Variants in SPAG16 observed in about 807,000 individuals in gnomAD.
The protein encoded by SPAG16 is sperm associated antigen 16, also known as sperm-associated antigen 16 protein.
Under a neutral mutation model 80.4 loss-of-function variants are expected in SPAG16, and 86 were observed. The observed-to-expected ratio is 1.07, with a 90% CI of 0.90 to 1.28. The LOEUF (loss-of-function observed/expected upper bound fraction) is 1.28, where lower values mean the gene tolerates loss of function less well. SPAG16 is among the 50% of genes most tolerant of loss of function. The pLI, the probability that SPAG16 is intolerant of heterozygous loss-of-function variation, is 0.00. For missense variants in SPAG16, 870 were observed against 765.3 expected, an observed-to-expected ratio of 1.14 and a Z score of -1.61; for synonymous variants, 294 against 265.9, an observed-to-expected ratio of 1.11 and a Z score of -1.03.
intron 9 of SPAG16, among the ~76,000 whole-genome samples, chr2:213,416,403 TA>T (rs1280150469): frequency 6.6e-6 from 1 of 152,158 alleles, no homozygotes; most frequent in African/African-American, 2.4e-5. Context: ...GAGCCAAAAC[TA>T]GGTCATAGCC....
chr2:213,984,754 C>A (rs1453190621), intron 12 of SPAG16, among the ~76,000 whole-genome samples: 1 of 152,096 alleles, frequency 6.6e-6, no homozygotes, highest in African/African-American at 2.4e-5. Flanking sequence ...ACAACTCCTT[C>A]TCCAACCATA....
chr2:213,931,858 T>A (rs2078763989), intron 12 of SPAG16, among the ~76,000 whole-genome samples: 1 of 152,084 alleles, frequency 6.6e-6, no homozygotes, highest in Admixed American at 6.6e-5. Flanking sequence ...ATTGTACTAA[T>A]TTTGGCATTG....
chr2:213,427,921 A>C (rs1315947202), intron 9 of SPAG16, among the ~76,000 whole-genome samples: 3 of 152,232 alleles, frequency 2.0e-5, no homozygotes, highest in Non-Finnish European at 4.4e-5. Flanking sequence ...AAAAATTAGT[A>C]CATTGTATTT....
At chr2:213,787,241 T>A (rs929921054) in intron 10 of SPAG16, among the ~76,000 whole-genome samples, 1 of 152,020 alleles carries the variant, frequency 6.6e-6, no homozygotes, top group African/African-American at 2.4e-5. Context: ...AAAGAAAATT[T>A]AAAAAATACA....
intron 5 of SPAG16, among the ~76,000 whole-genome samples, chr2:213,322,555 A>G (rs2063671295): frequency 6.6e-6 from 1 of 152,134 alleles, no homozygotes; most frequent in South Asian, 2.1e-4. Flanking sequence ...CATCTGTGAC[A>G]TCATACTGTT....
intron 11 of SPAG16, among the ~76,000 whole-genome samples, chr2:213,929,674 G>A (rs995376901): frequency 6.6e-6 from 1 of 152,092 alleles, no homozygotes; most frequent in Admixed American, 6.5e-5. Context: ...ACAAACACAT[G>A]ATAACAAAAA....
At chr2:213,690,042 A>G (rs1680939371) in intron 10 of SPAG16, among the ~76,000 whole-genome samples, 1 of 152,046 alleles carries the variant, frequency 6.6e-6, no homozygotes, top group African/African-American at 2.4e-5. Flanking sequence ...GTCTGACCTC[A>G]TCTTTTATTA....
chr2:214,188,165 A>G (rs1175623905), intron 15 of SPAG16, among the ~76,000 whole-genome samples: 1 of 152,168 alleles, frequency 6.6e-6, no homozygotes, highest in African/African-American at 2.4e-5. Flanking sequence ...TGACCATGTG[A>G]GATTCATTTG....
intron 15 of SPAG16, among the ~76,000 whole-genome samples, chr2:214,315,829 G>A (rs1695657246): frequency 6.6e-6 from 1 of 152,106 alleles, no homozygotes; most frequent in African/African-American, 2.4e-5. Flanking sequence ...ACTGCACCTG[G>A]CCCTTCTTTT....
intron 10 of SPAG16, among the ~76,000 whole-genome samples, chr2:213,825,705 T>C (rs10194352): frequency 4.1e-3 from 107 of 25,984 alleles, no homozygotes; most frequent in Middle Eastern, 0.014. Context: ...TTCTTTCTTT[T>C]TTTTTTTTTT....
intron 9 of SPAG16, among the ~76,000 whole-genome samples, chr2:213,468,191 A>G (rs73986882): frequency 0.014 from 2,135 of 152,050 alleles, 43 homozygotes; most frequent in African/African-American, 0.047. Flanking sequence ...CAGAAAGGAA[A>G]TGGGTCATCT....
At chr2:213,494,207 T>C (rs2074387475) in intron 10 of SPAG16, among the ~76,000 whole-genome samples, 2 of 152,198 alleles carry the variant, frequency 1.3e-5, no homozygotes, top group African/African-American at 2.4e-5. Context: ...AGCTTCATCT[T>C]TTCACTCTCA....
intron 15 of SPAG16, among the ~76,000 whole-genome samples, chr2:214,156,976 AC>A (rs1576371795): frequency 2.0e-5 from 3 of 152,204 alleles, no homozygotes. Context: ...AGAAAAGGTG[AC>A]CAGGTGGTCC....
intron 15 of SPAG16, among the ~76,000 whole-genome samples, chr2:214,315,501 TTTTATTTA>T (rs145465479): frequency 0.25 from 36,082 of 144,018 alleles, 4,957 homozygotes; most frequent in African/African-American, 0.36. Context: ...GCCCCATCTT[TTTTATTTA>T]TTTATTTATT....
At chr2:213,668,229 AT>A (rs1173660481) in intron 10 of SPAG16, among the ~76,000 whole-genome samples, 1 of 151,654 alleles carries the variant, frequency 6.6e-6, no homozygotes, top group African/African-American at 2.4e-5. Context: ...ATGAGCTATC[AT>A]GCCTGGCCAA....
At chr2:213,700,746 C>T (rs1311892508) in intron 10 of SPAG16, among the ~76,000 whole-genome samples, 2 of 152,186 alleles carry the variant, frequency 1.3e-5, no homozygotes, top group Non-Finnish European at 2.9e-5. Flanking sequence ...TTAATCTATA[C>T]AAAGGTCCCT....
At chr2:213,556,614 G>C (rs1207334777) in intron 10 of SPAG16, among the ~76,000 whole-genome samples, 1 of 152,080 alleles carries the variant, frequency 6.6e-6, no homozygotes, top group African/African-American at 2.4e-5. Context: ...AATAGATCTG[G>C]AGAGAAAGAG....
At chr2:213,337,827 AC>A (rs60371351) in intron 5 of SPAG16, among the ~76,000 whole-genome samples, 39,785 of 152,046 alleles carry the variant, frequency 0.26, 6,026 homozygotes, top group Middle Eastern at 0.45. Flanking sequence ...AATTTCCTCA[AC>A]CTAGCAAGAC....
At chr2:214,263,037 T>C (rs1691292316) in intron 15 of SPAG16, among the ~76,000 whole-genome samples, 1 of 152,054 alleles carries the variant, frequency 6.6e-6, no homozygotes, top group Non-Finnish European at 1.5e-5. Flanking sequence ...CTAATGCCTC[T>C]ATCACTTCAT....
Sources: gnomAD v4.1 joint callset for allele counts (sites outside exome capture counted in the v4.1 genomes callset) on GRCh38, gnomAD v4.1.1 for gene constraint, MANE v1.5 for transcripts, NCBI Gene and HGNC (gene_info 2026-07-23, HGNC 2026-07-21) for gene names.